CAPN11: variants seen among roughly 807,000 people sequenced by gnomAD.
CAPN11 encodes calpain-11.
CAPN11 carries 108 observed loss-of-function variants against 105.3 expected under a neutral mutation model. That is an observed-to-expected ratio of 1.03 (90% CI 0.88 to 1.20). The LOEUF is 1.20. Among genes scored for constraint, CAPN11 ranks in the 50% most tolerant of loss-of-function variants. The probability of loss-of-function intolerance (pLI) is 0.00; values close to 1 mark genes in which losing one functional copy is unlikely to be tolerated. For missense variants in CAPN11, 883 were observed against 924.8 expected, an observed-to-expected ratio of 0.95 and a Z score of 0.59; for synonymous variants, 329 against 344.5, an observed-to-expected ratio of 0.96 and a Z score of 0.50.
intron 9 of CAPN11, 41 bp from the exon 10 acceptor site, chr6:44,176,540 G>A (rs2128307816): frequency 6.3e-7 from 1 of 1,576,048 alleles, no homozygotes; most frequent in South Asian, 1.1e-5. Context: ...GGTGCCACAT[G>A]ACCTCCGCCC....
At chr6:44,182,679 G>A (rs913837537) in intron 19 of CAPN11, among the ~76,000 whole-genome samples, 1 of 151,920 alleles carries the variant, frequency 6.6e-6, no homozygotes, top group Admixed American at 6.6e-5. Flanking sequence ...TGTAACCTCC[G>A]CCTCCTGCCT....
Position 44,173,092 on chromosome 6 carries a change from G to A in CAPN11, c.662+19G>A, listed in dbSNP as rs771109804. The A allele has an allele frequency of 1.2e-6, 2 of 1,611,678 alleles. No homozygotes were observed. Among genetic ancestry groups the A allele is most frequent in the East Asian group, 2.2e-5 (1 of 44,844 alleles). On this transcript the variant is annotated intron_variant, in intron 6 of 22. Transcript: ENST00000398776. ...ATGCCAAGTGAGTGCTGGGAGCTGA[G>A]GAAGGGGGCTTGCCTTGCCTCTGTC... is the stretch of plus-strand genomic sequence containing the variant.
At chr6:44,164,990 A>G (rs2128293276) in intron 1 of CAPN11, among the ~76,000 whole-genome samples, 1 of 152,170 alleles carries the variant, frequency 6.6e-6, no homozygotes, top group South Asian at 2.1e-4. Flanking sequence ...CCCAGGTTCA[A>G]GCCACCTCCT....
chr6:44,180,526 T>C (rs1283203455), intron 15 of CAPN11, 27 bp downstream of exon 15: 1 of 1,613,376 alleles, frequency 6.2e-7, no homozygotes, highest in Non-Finnish European at 8.5e-7. Context: ...GGGCTGGGGG[T>C]TGGAAGGAAG....
chr6:44,163,259 T>G (rs1403893783), intron 1 of CAPN11, among the ~76,000 whole-genome samples: 1 of 152,170 alleles, frequency 6.6e-6, no homozygotes, highest in Non-Finnish European at 1.5e-5. Flanking sequence ...CCCAGGGCAT[T>G]AGCTCTGCTA....
At chr6:44,172,787 G>A (rs1388639822) in intron 5 of CAPN11, among the ~76,000 whole-genome samples, 153 bp from the exon 6 acceptor site, 2 of 152,206 alleles carry the variant, frequency 1.3e-5, no homozygotes, top group Non-Finnish European at 2.9e-5. Flanking sequence ...GAGAGGAGGC[G>A]GGGCCGGGCT....
In CAPN11 at chr6:44,169,265, T is replaced by C; in HGVS notation, c.89-16T>C. On this transcript the variant is annotated splice_polypyrimidine_tract_variant and intron_variant, in intron 2 of 22. Coordinates refer to ENST00000398776, the MANE Select transcript of CAPN11 (RefSeq NM_007058.4). Reference sequence around the variant, plus strand: ...ATTTTTTACTTGCGTTATTTCTCTTTTTTTTTCTTAAGCAGAGCCCACTTT... The same window carrying C: ...ATTTTTTACTTGCGTTATTTCTCTTCTTTTTTCTTAAGCAGAGCCCACTTT... The C allele has an allele frequency of 6.3e-7, 1 of 1,589,836 alleles. No individual in the cohort carries two copies. The highest frequency in any genetic ancestry group is 1.1e-5 in the South Asian group (1 of 87,848).
rs1233497454 is a variant in CAPN11, at chr6:44,173,278, CA to C, written c.724del (p.Thr242GlnfsTer46). On this transcript the variant is annotated frameshift_variant, in exon 7 of 23. Transcript: ENST00000398776. LOFTEE classifies it high-confidence loss of function. ...GSTMEGLEDF[T>X]GGVAQSFQLQ... ...GTACCATGGAGGGCCTTGAGGACTT[CA>C]CAGGAGGCGTGGCCCAGAGCTTCCA... is the stretch of plus-strand genomic sequence containing the variant. 2.5e-6 allele frequency: 4 copies of C among 1,613,868 alleles called. No individual in the cohort carries two copies. The highest frequency in any genetic ancestry group is 3.4e-6 in the Non-Finnish European group (4 of 1,179,846).
Position 44,169,486 on chromosome 6 carries a change from C to T in CAPN11, c.294C>T (p.Gly98=). Reference sequence around the variant, plus strand: ...GCTCACTGGGCTTCAAGGACCTGGGCCCCAACTCCAAAAATGTGCAGAACA... The same window carrying T: ...GCTCACTGGGCTTCAAGGACCTGGGTCCCAACTCCAAAAATGTGCAGAACA... ...EPSSLGFKDL[G]PNSKNVQNIS... is the part of the protein sequence containing the mutation. Residue 98 remains glycine, a synonymous_variant, in exon 3 of 23, where the codon GGC becomes GGT. Coordinates refer to ENST00000398776, the MANE Select transcript of CAPN11 (RefSeq NM_007058.4). The T allele has an allele frequency of 6.2e-7, 1 of 1,605,398 alleles. No individual in the cohort carries two copies. Among genetic ancestry groups the T allele is most frequent in the Non-Finnish European group, 8.5e-7 (1 of 1,176,144 alleles).
In CAPN11 at chr6:44,169,507, G is replaced by A. The variant is rs1246603347; in HGVS notation, c.315G>A (p.Gln105=). Residue 105 remains glutamine, a synonymous_variant, in exon 3 of 23, where the codon CAG becomes CAA. Coordinates refer to ENST00000398776, the MANE Select transcript of CAPN11 (RefSeq NM_007058.4). ...TGGGCCCCAACTCCAAAAATGTGCA[G>A]AACATCTCCTGGCAGCGGCCCAAGG... ...KDLGPNSKNV[Q]NISWQRPKDI... is the part of the protein sequence containing the mutation. 5 of 1,595,696 alleles carry A rather than the reference G, an allele frequency of 3.1e-6. No homozygotes were observed. In the Admixed American group the frequency reaches 8.8e-5, roughly 28 times the overall value.
chr6:44,176,955 C>T lies in CAPN11; in HGVS notation c.1194C>T (p.Ser398=). The T allele has an allele frequency of 6.2e-7, 1 of 1,613,894 alleles. No individual in the cohort carries two copies. The highest frequency in any genetic ancestry group is 8.5e-7 in the Non-Finnish European group (1 of 1,179,888). Residue 398 remains serine (S), a synonymous_variant, in exon 11 of 23, where the codon AGC becomes AGT. Coordinates refer to ENST00000398776, the MANE Select transcript of CAPN11 (RefSeq NM_007058.4). ...SYWHTTFYEG[S]WRRGSSAGGC... is the part of the protein sequence containing the mutation. ...GGCACACCACCTTCTACGAGGGCAG[C>T]TGGCGCAGAGGCAGCTCCGCAGGGG...
Position 44,169,675 on chromosome 6 carries a change from G to T in CAPN11, c.339+144G>T, listed in dbSNP as rs181870898. 872 of 988,054 alleles carry T rather than the reference G, an allele frequency of 8.8e-4. 3 individuals carry two copies. Among genetic ancestry groups the T allele is most frequent in the Non-Finnish European group, 1.3e-4 (89 of 676,298 alleles). The allele number at this position is 988,054 out of a possible 1,614,324, so 61.2% of individuals were successfully genotyped here. A position where few individuals can be genotyped will look rare whatever the true frequency, so the allele number is the denominator to read the frequency against. ...AGGCCCCACCTTCATCAGAGCTGGGGACAGTTCTGAATATGCTTAAGCCAA... is the reference window on the plus strand; with the variant it reads ...AGGCCCCACCTTCATCAGAGCTGGGTACAGTTCTGAATATGCTTAAGCCAA... On this transcript the variant is annotated intron_variant, in intron 3 of 22. Transcript: ENST00000398776.
chr6:44,183,084 C>A (rs774938471), intron 20 of CAPN11, 35 bp from the exon 21 acceptor site: 1 of 1,597,426 alleles, frequency 6.3e-7, no homozygotes, highest in African/African-American at 1.3e-5. Flanking sequence ...GAGGCCCAGA[C>A]TTTTCCCCTC....
intron 1 of CAPN11, among the ~76,000 whole-genome samples, chr6:44,164,125 C>T (rs1215652221): frequency 5.9e-5 from 9 of 152,112 alleles, no homozygotes; most frequent in Non-Finnish European, 2.9e-5. Context: ...TGAGCCATAA[C>T]TGTGCCACTG....
rs926979258 is a variant in CAPN11, at chr6:44,166,344, G to T, written c.17-414G>T. Among the ~76,000 whole-genome samples the T allele has an allele frequency of 2.0e-5, 3 of 152,126 alleles. No homozygotes were observed. In the South Asian group the frequency reaches 6.2e-4, roughly 31 times the overall value. On this transcript the variant is annotated intron_variant, in intron 1 of 22. Coordinates refer to ENST00000398776, the MANE Select transcript of CAPN11 (RefSeq NM_007058.4). ...GTCTGCAGTACGGATTTCACCCCGC[G>T]CCCAACCCTCACTCTGTGACCTCGG...
chr6:44,176,989 A>G lies in CAPN11; in HGVS notation c.1228A>G (p.Asn410Asp), dbSNP rs371840683. Residue 410 changes from asparagine (N) to aspartate (D), a missense_variant, in exon 11 of 23, where the codon AAC becomes GAC. Coordinates refer to ENST00000398776, the MANE Select transcript of CAPN11 (RefSeq NM_007058.4). The stretch of plus-strand genomic sequence containing the variant: ...AGGCAGCTCCGCAGGGGGCTGCAGG[A>G]ACCACCCTGGTGGGTGAGGGGTGAG... ...RRGSSAGGCR[N>D]HPGTFWTNPQ... The G allele has an allele frequency of 1.9e-6, 3 of 1,612,314 alleles. No individual in the cohort carries two copies. The highest frequency in any genetic ancestry group is 2.5e-6 in the Non-Finnish European group (3 of 1,179,446).
At chr6:44,163,285 C>T (rs1188515986) in intron 1 of CAPN11, among the ~76,000 whole-genome samples, 1 of 152,118 alleles carries the variant, frequency 6.6e-6, no homozygotes, top group Non-Finnish European at 1.5e-5. Context: ...GGACAAGCCA[C>T]CCCTTTTCCA....
At position 44,158,880 on chromosome 6, in the gene CAPN11, G is replaced by A; in HGVS notation, c.16+16G>A. Reference sequence around the variant, plus strand: ...TACTCCCCAGGTAGGCACTCATGGGGCCTTGCCCCACTCCTGTACCTCCTG... The same window carrying A: ...TACTCCCCAGGTAGGCACTCATGGGACCTTGCCCCACTCCTGTACCTCCTG... On this transcript the variant is annotated intron_variant, in intron 1 of 22. Transcript: ENST00000398776. 1 of 1,550,894 alleles carries A rather than the reference G, an allele frequency of 6.4e-7. No homozygotes were observed. The highest frequency in any genetic ancestry group is 2.4e-5 in the East Asian group (1 of 40,902).
intron 21 of CAPN11, 22 bp from the exon 22 acceptor site, chr6:44,183,683 C>T: frequency 6.2e-7 from 1 of 1,612,642 alleles, no homozygotes; most frequent in African/African-American, 1.3e-5. Context: ...AGCCCCTCTC[C>T]CCCGCTTCCT....
Sources: allele counts gnomAD v4.1 joint callset (sites outside exome capture counted in the v4.1 genomes callset), GRCh38; gene constraint gnomAD v4.1.1; transcripts MANE v1.5; gene names NCBI Gene and HGNC (gene_info 2026-07-23, HGNC 2026-07-21).